SERPINB4: variants seen among roughly 807,000 people sequenced by gnomAD.
The protein encoded by SERPINB4 is serpin family B member 4.
SERPINB4 carries 39 observed loss-of-function variants against 33.2 expected under a neutral mutation model. The observed-to-expected ratio is 1.18, with a 90% CI of 0.91 to 1.53. SERPINB4 has a LOEUF of 1.53. SERPINB4 is among the 40% of genes most tolerant of loss of function. The probability of loss-of-function intolerance (pLI) is 0.00; values close to 1 mark genes in which losing one functional copy is unlikely to be tolerated. For missense variants in SERPINB4, 564 were observed against 455.4 expected (o/e 1.24, Z -2.17); for synonymous variants, 191 against 166.4 (o/e 1.15, Z -1.14).
chr18:63,640,820 G>A, intron 5 of SERPINB4, 54 bp downstream of exon 5: 1 of 1,477,034 alleles, frequency 6.8e-7, no homozygotes. Context: ...TCAAGCACAA[G>A]GCTCACTGGC....
intron 5 of SERPINB4, among the ~76,000 whole-genome samples, chr18:63,640,117 C>T (rs1913076600): frequency 6.6e-6 from 1 of 152,050 alleles, no homozygotes; most frequent in South Asian, 2.1e-4. Context: ...TTTCCTTTCT[C>T]CCTCCCTCCT....
intron 3 of SERPINB4, 116 bp from the exon 4 acceptor site, chr18:63,642,004 T>G (rs915528263): frequency 1.3e-5 from 19 of 1,425,110 alleles, no homozygotes; most frequent in Admixed American, 1.3e-4. Context: ...GGACCTTTGA[T>G]GTTATTCCCT....
Position 63,642,339 on chromosome 18 carries a change from C to T in SERPINB4, c.223-451G>A, listed in dbSNP as rs145837275. On this transcript the variant is annotated intron_variant, in intron 3 of 7. Coordinates refer to ENST00000341074, the MANE Select transcript of SERPINB4 (RefSeq NM_002974.4). The stretch of plus-strand genomic sequence containing the variant: ...GTTGGTGCTATTATCTTGTAGGACA[C>T]ATTGACTGATCTGTGGCTCTTTCCT... Among the ~76,000 whole-genome samples the T allele has an allele frequency of 5.4e-3, 828 of 152,228 alleles. 11 individuals carry two copies. Among genetic ancestry groups the T allele is most frequent in the African/African-American group, 0.019 (780 of 41,552 alleles).
At chr18:63,643,302 C>T (rs1913199915) in intron 2 of SERPINB4, 85 bp from the exon 3 acceptor site, 1 of 1,611,346 alleles carries the variant, frequency 6.2e-7, no homozygotes, top group Admixed American at 1.7e-5. Flanking sequence ...GGAATTCCTG[C>T]ACAGCCCCCT....
intron 3 of SERPINB4, among the ~76,000 whole-genome samples, chr18:63,642,135 C>T (rs778184411): frequency 1.8e-4 from 27 of 152,058 alleles, no homozygotes; most frequent in Admixed American, 3.9e-4. Flanking sequence ...AAAGATGCAG[C>T]GCTGTCTACC....
intron 7 of SERPINB4, among the ~76,000 whole-genome samples, chr18:63,638,680 G>A (rs1913021345): frequency 6.6e-6 from 1 of 151,310 alleles, no homozygotes; most frequent in African/African-American, 2.4e-5. Flanking sequence ...TCATCAAATT[G>A]ATATCCAATG....
Position 63,637,560 on chromosome 18 carries a change from G to T in SERPINB4, c.*159C>A. The stretch of plus-strand genomic sequence containing the variant: ...GGCTTATTAAGAGAAAGAGAGAAAG[G>T]CATGCTATTTTAATCATTAAATTCT... On this transcript the variant is annotated 3_prime_UTR_variant, in exon 8 of 8. Transcript: ENST00000341074. 2.8e-6 allele frequency: 2 copies of T among 717,276 alleles called. No individual in the cohort carries two copies. Among genetic ancestry groups the T allele is most frequent in the South Asian group, 5.3e-5 (2 of 37,748 alleles). 44.4% of individuals were successfully genotyped at this position (717,276 alleles called of 1,614,324 possible).
chr18:63,638,729 G>C (rs1012905694), intron 7 of SERPINB4, among the ~76,000 whole-genome samples: 2 of 145,764 alleles, frequency 1.4e-5, no homozygotes, highest in Admixed American at 1.4e-4. Context: ...CTAAGCCATA[G>C]ATGGAATTAA....
intron 7 of SERPINB4, 58 bp downstream of exon 7, chr18:63,639,127 G>A: frequency 6.6e-7 from 1 of 1,519,126 alleles, no homozygotes; most frequent in Non-Finnish European, 8.9e-7. Flanking sequence ...GTTTAAACTT[G>A]GTATCTTTGG....
At chr18:63,639,373 C>G (rs563972733) in intron 6 of SERPINB4, 33 bp from the exon 7 acceptor site, 3 of 1,569,042 alleles carry the variant, frequency 1.9e-6, no homozygotes, top group Non-Finnish European at 1.7e-6. Flanking sequence ...ACAAATAACA[C>G]GTGAAACACA....
intron 7 of SERPINB4, 142 bp downstream of exon 7, chr18:63,639,043 A>G (rs1913034468): frequency 1.9e-5 from 18 of 945,240 alleles, no homozygotes; most frequent in Non-Finnish European, 2.4e-5. Context: ...TATTTGTAAT[A>G]TGAAGGTGAG....
chr18:63,639,825 T>G lies in SERPINB4; in HGVS notation c.470-49A>C, dbSNP rs1419199788. The G allele has an allele frequency of 7.9e-6, 12 of 1,525,238 alleles. No individual in the cohort carries two copies. In the South Asian group the frequency reaches 1.3e-4, roughly 16 times the overall value. The allele number at this position is 1,525,238 out of a possible 1,614,324, so 94.5% of individuals were successfully genotyped here. A position where few individuals can be genotyped will look rare whatever the true frequency, so the allele number is the denominator to read the frequency against. On this transcript the variant is annotated intron_variant, in intron 5 of 7. Coordinates refer to ENST00000341074, the MANE Select transcript of SERPINB4 (RefSeq NM_002974.4). Reference sequence around the variant, plus strand: ...TCTTTTACACAAGCTACAAATGGCTTGTCTGGAAGATGCTTTGCAAATGTT... The same window carrying G: ...TCTTTTACACAAGCTACAAATGGCTGGTCTGGAAGATGCTTTGCAAATGTT...
chr18:63,638,367 T>G (rs1913010291), intron 7 of SERPINB4, among the ~76,000 whole-genome samples: 1 of 152,076 alleles, frequency 6.6e-6, no homozygotes, highest in East Asian at 1.9e-4. Context: ...TACGTATATG[T>G]ATATGTGTAC....
rs1296777308 is a variant in SERPINB4 at position 63,639,593 on chromosome 18, T to G, written c.612+41A>C. 7.0e-6 allele frequency: 9 copies of G among 1,287,060 alleles called. No individual in the cohort carries two copies. The African/African-American group carries it at 1.4e-4, about 19-fold the overall frequency. 79.7% of individuals were successfully genotyped at this position (1,287,060 alleles called of 1,614,324 possible). A position where few individuals can be genotyped will look rare whatever the true frequency, so the allele number is the denominator to read the frequency against. On this transcript the variant is annotated intron_variant, in intron 6 of 7. Coordinates refer to ENST00000341074, the MANE Select transcript of SERPINB4 (RefSeq NM_002974.4). ...CATCAGAAATGTTTAACATTCCATG[T>G]ATTAACATATTACACTATATAAATA...
intron 1 of SERPINB4, 23 bp downstream of exon 1, chr18:63,644,186 C>A (rs1290205081): frequency 6.6e-6 from 1 of 152,470 alleles, no homozygotes; most frequent in East Asian, 1.9e-4. Context: ...TGTTATTAAG[C>A]TGGAGAGGCT....
chr18:63,639,101 C>T, intron 7 of SERPINB4, 84 bp downstream of exon 7: 1 of 1,415,672 alleles, frequency 7.1e-7, no homozygotes, highest in Non-Finnish European at 9.4e-7. Context: ...GCAACTCGGT[C>T]ATAAGCTTTT....
chr18:63,642,973 CTT>C (rs1242421496), intron 3 of SERPINB4, 186 bp downstream of exon 3: 9 of 687,102 alleles, frequency 1.3e-5, no homozygotes, highest in African/African-American at 1.3e-4. Flanking sequence ...TGCTGACTGT[CTT>C]TTAGTAACGC....
In SERPINB4 at chr18:63,637,861, G is replaced by T. The variant is rs1291155227; in HGVS notation, c.1031C>A (p.Ala344Glu). 6.2e-7 allele frequency: 1 copy of T among 1,613,366 alleles called. No homozygotes were observed. The highest frequency in any genetic ancestry group is 1.3e-5 in the African/African-American group (1 of 74,864). ...GACTACTACTACAGCGGTGGCAGCTGCAGCTTCCACTCCCTCCTCAGTGAC... is the reference window on the plus strand; with the variant it reads ...GACTACTACTACAGCGGTGGCAGCTTCAGCTTCCACTCCCTCCTCAGTGAC... Reference protein sequence around the residue: ...VEVTEEGVEAAAATAVVVVEL... With the variant: ...VEVTEEGVEAEAATAVVVVEL... Residue 344 changes from alanine to glutamate, a missense_variant, in exon 8 of 8, where the codon GCA becomes GAA. Transcript: ENST00000341074.
chr18:63,639,267 G>T lies in SERPINB4; in HGVS notation c.686C>A (p.Ala229Asp), dbSNP rs1437944229. 6.2e-7 allele frequency: 1 copy of T among 1,612,654 alleles called. No individual in the cohort carries two copies. Among genetic ancestry groups the T allele is most frequent in the Non-Finnish European group, 8.5e-7 (1 of 1,179,134 alleles). Residue 229 changes from alanine to aspartate, a missense_variant, in exon 7 of 8, where the codon GCC becomes GAC. By Grantham distance (126) the Ala-to-Asp change is moderately radical. Transcript: ENST00000341074. ...FNFALLEDVQ[A>D]KVLEIPYKGK... ...TTTGTATGGTATTTCCAGGACCTTG[G>T]CCTGTACATCCTCCAGCAAGGCAAA...
Sources: allele counts gnomAD v4.1 joint callset (sites outside exome capture counted in the v4.1 genomes callset), GRCh38; gene constraint gnomAD v4.1.1; transcripts MANE v1.5; gene names NCBI Gene and HGNC (gene_info 2026-07-23, HGNC 2026-07-21).